Variants in HPCAL1 observed in about 807,000 individuals in gnomAD.
HPCAL1 encodes hippocalcin-like protein 1.
HPCAL1 carries 8 observed loss-of-function variants against 17.1 expected under a neutral mutation model. The ratio of observed to expected loss-of-function variants is 0.47; its 90% CI spans 0.27 to 0.84. The LOEUF (loss-of-function observed/expected upper bound fraction) is 0.84. Ranked by LOEUF, HPCAL1 falls within the 40% of genes least tolerant of loss-of-function variation. The pLI is 0.13. For synonymous variants in HPCAL1, 112 were observed against 111.4 expected, an observed-to-expected ratio of 1.01 and a Z score of -0.03; for missense variants, 165 against 271.1, an observed-to-expected ratio of 0.61 and a Z score of 2.75.
chr2:10,308,635 T>C (rs6716954), intron 1 of HPCAL1, among the ~76,000 whole-genome samples: 99,499 of 152,002 alleles, frequency 0.65, 32,718 homozygotes, highest in East Asian at 0.82. Flanking sequence ...TGGCGAGCTC[T>C]CTTACCTGCC....
intron 2 of HPCAL1, among the ~76,000 whole-genome samples, chr2:10,402,931 T>C (rs1167257228): frequency 2.0e-5 from 3 of 152,178 alleles, no homozygotes; most frequent in East Asian, 1.9e-4. Flanking sequence ...GTCTAACATT[T>C]ACAATGGTAT....
At chr2:10,424,930 T>C (rs1671307631) in intron 4 of HPCAL1, 2 of 262,404 alleles carry the variant, frequency 7.6e-6, no homozygotes, top group Non-Finnish European at 1.6e-5. Flanking sequence ...GACACAAGTA[T>C]CATTAAAGCC....
chr2:10,411,142 G>C (rs1016747778), intron 2 of HPCAL1, among the ~76,000 whole-genome samples: 1 of 152,194 alleles, frequency 6.6e-6, no homozygotes, highest in African/African-American at 2.4e-5. Context: ...AAAAGTTCCA[G>C]TGGGGAGGCC....
In HPCAL1 at chr2:10,323,787, G is replaced by A. The variant is rs1025936677; in HGVS notation, c.-111+20610G>A. On this transcript the variant is annotated intron_variant, in intron 1 of 4. Coordinates refer to ENST00000307845, the MANE Select transcript of HPCAL1 (RefSeq NM_002149.4). The surrounding 1 kb of genome is among the most constrained non-coding windows in gnomAD (Gnocchi z 4.6). ...ATGCCAGGGATTCTTCCAGGCACTG[G>A]GGAGACATTTAAAAAACAATAACAA... Among the ~76,000 whole-genome samples, 6 of 152,270 alleles carry A rather than the reference G, an allele frequency of 3.9e-5. No homozygotes were observed. The highest frequency in any genetic ancestry group is 2.1e-4 in the South Asian group (1 of 4,828).
At chr2:10,383,218 C>A (rs1366837532) in intron 1 of HPCAL1, among the ~76,000 whole-genome samples, 2 of 152,126 alleles carry the variant, frequency 1.3e-5, no homozygotes, top group Non-Finnish European at 2.9e-5. Flanking sequence ...CAAAAGTAAA[C>A]AAAACTAGCC....
At chr2:10,372,605 C>T (rs1202981521) in intron 1 of HPCAL1, among the ~76,000 whole-genome samples, 2 of 152,154 alleles carry the variant, frequency 1.3e-5, no homozygotes, top group East Asian at 1.9e-4. Context: ...GAAGCCCCCT[C>T]ACCCAGCTGC....
At position 10,378,986 on chromosome 2, in the gene HPCAL1, C is replaced by T. The variant is rs13020978; in HGVS notation, c.-110-17849C>T. On this transcript the variant is annotated intron_variant, in intron 1 of 4. Coordinates refer to ENST00000307845, the MANE Select transcript of HPCAL1 (RefSeq NM_002149.4). ...CATGCTATGTATTTGTTTCAGGTCC[C>T]GCTTTTTCTTTCCACTTAAGACAAT... 6.7e-3 allele frequency among the ~76,000 whole-genome samples: 1,017 copies of T among 152,202 alleles called. 10 individuals are homozygous for T. Among genetic ancestry groups the T allele is most frequent in the Non-Finnish European group, 0.01 (708 of 68,018 alleles).
chr2:10,422,973 C>G lies in HPCAL1; in HGVS notation c.379-10C>G, dbSNP rs1671158745. 2 of 1,601,814 alleles carry G rather than the reference C, an allele frequency of 1.2e-6. No homozygotes were observed. Among genetic ancestry groups the G allele is most frequent in the Non-Finnish European group, 1.7e-6 (2 of 1,169,706 alleles). The stretch of plus-strand genomic sequence containing the variant: ...GCCTCTGAGCACAGTGTCATTGCCC[C>G]CATCCGCAGGCCATCTACAAGATGG... On this transcript the variant is annotated splice_polypyrimidine_tract_variant and intron_variant, in intron 3 of 4. Coordinates refer to ENST00000307845, the MANE Select transcript of HPCAL1 (RefSeq NM_002149.4).
At chr2:10,381,313 G>A (rs1433497436) in intron 1 of HPCAL1, among the ~76,000 whole-genome samples, 1 of 152,248 alleles carries the variant, frequency 6.6e-6, no homozygotes, top group Non-Finnish European at 1.5e-5. Flanking sequence ...CTGAGCCCCA[G>A]CCAAAGCTCT....
At position 10,419,152 on chromosome 2, in the gene HPCAL1, A is replaced by G. The variant is rs940933981; in HGVS notation, c.-24-582A>G. ...CTTGAACCTGGGAGGCGGAGGTTAC[A>G]GTGAGCTGTGATCCTGCTACTGCAC... On this transcript the variant is annotated intron_variant, in intron 2 of 4. Coordinates refer to ENST00000307845, the MANE Select transcript of HPCAL1 (RefSeq NM_002149.4). The surrounding 1 kb of genome is among the most constrained non-coding windows in gnomAD (Gnocchi z 5.0). 1.3e-5 allele frequency among the ~76,000 whole-genome samples: 2 copies of G among 152,168 alleles called. No individual in the cohort carries two copies. The highest frequency in any genetic ancestry group is 4.8e-5 in the African/African-American group (2 of 41,458).
chr2:10,378,418 G>A (rs887068259), intron 1 of HPCAL1, among the ~76,000 whole-genome samples: 12 of 151,900 alleles, frequency 7.9e-5, no homozygotes, highest in African/African-American at 2.2e-4. Flanking sequence ...TCCATGGACC[G>A]GGCCGCCTAA....
intron 1 of HPCAL1, among the ~76,000 whole-genome samples, chr2:10,389,220 T>G (rs1259913767): frequency 6.6e-6 from 1 of 152,202 alleles, no homozygotes; most frequent in Admixed American, 6.5e-5. Flanking sequence ...CCTAGAAATT[T>G]CTGCATAATC....
rs1023717718 is a variant in HPCAL1 at position 10,314,782 on chromosome 2, A to G, written c.-111+11605A>G. On this transcript the variant is annotated intron_variant, in intron 1 of 4. Transcript: ENST00000307845. ...AATTGTATTATTTTCAGACAAAAGT[A>G]TATGTAGTAATGTAAACTACTGACC... 3.3e-5 allele frequency among the ~76,000 whole-genome samples: 5 copies of G among 152,240 alleles called. No homozygotes were observed. In the East Asian group the frequency reaches 9.6e-4, roughly 29 times the overall value.
chr2:10,408,355 T>C (rs981681842), intron 2 of HPCAL1, among the ~76,000 whole-genome samples: 3 of 152,078 alleles, frequency 2.0e-5, no homozygotes, highest in Admixed American at 6.6e-5. Context: ...GGGTAAGAAG[T>C]CAAGAAGGTT....
At position 10,344,570 on chromosome 2, in the gene HPCAL1, G is replaced by A. The variant is rs73161283; in HGVS notation, c.-111+41393G>A. 1.3e-3 allele frequency among the ~76,000 whole-genome samples: 201 copies of A among 152,298 alleles called. 1 individual carries two copies. Among genetic ancestry groups the A allele is most frequent in the African/African-American group, 4.4e-3 (184 of 41,548 alleles). On this transcript the variant is annotated intron_variant, in intron 1 of 4. Coordinates refer to ENST00000307845, the MANE Select transcript of HPCAL1 (RefSeq NM_002149.4). The surrounding 1 kb of genome is among the most constrained non-coding windows in gnomAD (Gnocchi z 4.9). Reference sequence around the variant, plus strand: ...TGCAAAGAAATGAAGAAAAGCTATCGGGGCATCTGCAGCCACTATTATACC... The same window carrying A: ...TGCAAAGAAATGAAGAAAAGCTATCAGGGCATCTGCAGCCACTATTATACC...
rs530887203 is a variant in HPCAL1, at chr2:10,345,102, T to C, written c.-111+41925T>C. On this transcript the variant is annotated intron_variant, in intron 1 of 4. Coordinates refer to ENST00000307845, the MANE Select transcript of HPCAL1 (RefSeq NM_002149.4). ...CTTGCAGTCTCTTTCTGCCTCTCTC[T>C]GTGTGTCTGTCTCTGTCTCTGTATG... Among the ~76,000 whole-genome samples the C allele has an allele frequency of 2.3e-4, 35 of 152,278 alleles. No individual in the cohort carries two copies. The South Asian group carries it at 6.0e-3, about 26-fold the overall frequency.
At chr2:10,324,908 C>T (rs2125408128) in intron 1 of HPCAL1, among the ~76,000 whole-genome samples, 1 of 148,746 alleles carries the variant, frequency 6.7e-6, no homozygotes, top group South Asian at 2.2e-4. Context: ...CTGCAATCTC[C>T]ACCTCCCAGG....
At chr2:10,356,714 G>C (rs1040681775) in intron 1 of HPCAL1, among the ~76,000 whole-genome samples, 2 of 152,140 alleles carry the variant, frequency 1.3e-5, no homozygotes, top group African/African-American at 2.4e-5. Context: ...GGGAGGCAGA[G>C]GTGCTGAGAT....
At chr2:10,378,854 A>G (rs1031906250) in intron 1 of HPCAL1, among the ~76,000 whole-genome samples, 7 of 152,138 alleles carry the variant, frequency 4.6e-5, no homozygotes, top group Admixed American at 6.6e-5. Flanking sequence ...AACAATTATA[A>G]TGCATAATCC....
Sources: allele counts gnomAD v4.1 joint callset (sites outside exome capture counted in the v4.1 genomes callset), GRCh38; gene constraint gnomAD v4.1.1; non-coding constraint Gnocchi (gnomAD v3.1); transcripts MANE v1.5; gene names NCBI Gene and HGNC (gene_info 2026-07-23, HGNC 2026-07-21).